RBPJ: variants seen among roughly 807,000 people sequenced by gnomAD.
The protein encoded by RBPJ is recombination signal binding protein for immunoglobulin kappa J region.
RBPJ carries 9 observed loss-of-function variants against 67.8 expected under a neutral mutation model. The observed-to-expected ratio is 0.13, with a 90% CI of 0.08 to 0.23. The LOEUF is 0.23. RBPJ is among the 10% of genes least tolerant of loss of function. The pLI, the probability that RBPJ is intolerant of heterozygous loss-of-function variation, is 1.00. For synonymous variants in RBPJ, 198 were observed against 203.3 expected, an observed-to-expected ratio of 0.97 and a Z score of 0.22; for missense variants, 305 against 595.6, an observed-to-expected ratio of 0.51 and a Z score of 5.08.
intron 1 of RBPJ, 147 bp from the exon 2 acceptor site, chr4:26,386,206 A>T: frequency 1.7e-6 from 1 of 605,362 alleles, no homozygotes. Flanking sequence ...TGGGATACAG[A>T]TGCTTACCAG....
At chr4:26,269,844 C>A (rs1720820481) in intron 1 of RBPJ, among the ~76,000 whole-genome samples, 1 of 151,964 alleles carries the variant, frequency 6.6e-6, no homozygotes, top group Non-Finnish European at 1.5e-5. Context: ...ACTGGCAACC[C>A]AAATTACTTT....
At chr4:26,190,335 T>TAGG (rs1187983950) in intron 1 of RBPJ, among the ~76,000 whole-genome samples, 5 of 152,172 alleles carry the variant, frequency 3.3e-5, no homozygotes, top group African/African-American at 1.2e-4. Flanking sequence ...ACCTGGTCCC[T>TAGG]ATGGGAAACA....
the RBPJ span, among the ~76,000 whole-genome samples, chr4:26,107,432 C>A: frequency 2.0e-5 from 3 of 152,242 alleles, no homozygotes; most frequent in Non-Finnish European, 2.9e-5. Context: ...CTGCAGGACA[C>A]CACTTCAAAT....
chr4:26,306,253 A>T (rs1311727472), intron 1 of RBPJ, among the ~76,000 whole-genome samples: 1 of 152,018 alleles, frequency 6.6e-6, no homozygotes, highest in East Asian at 1.9e-4. Flanking sequence ...AGAATTGGTG[A>T]GAGTGGAAAT....
rs543223027 is a variant in RBPJ at position 26,431,953 on chromosome 4, T to G, written c.*946T>G. 2 of 152,376 alleles carry G rather than the reference T, an allele frequency of 1.3e-5. No homozygotes were observed. The highest frequency in any genetic ancestry group is 2.9e-5 in the Non-Finnish European group (2 of 68,048). The allele number at this position is 152,376 out of a possible 1,614,324, so 9.4% of individuals were successfully genotyped here. ...GCGCAGAACTTGTTGATATTTGAAG[T>G]GTTCTCTCCCCTTTTCCCATGACGT... On this transcript the variant is annotated 3_prime_UTR_variant, in exon 11 of 11. Coordinates refer to ENST00000355476, the MANE Select transcript of RBPJ (RefSeq NM_015874.6).
chr4:26,313,119 C>T (rs1267120356), intron 1 of RBPJ, among the ~76,000 whole-genome samples: 2 of 152,174 alleles, frequency 1.3e-5, no homozygotes, highest in African/African-American at 4.8e-5. Context: ...GACAGAGTCT[C>T]ACTATATTGT....
intron 1 of RBPJ, among the ~76,000 whole-genome samples, chr4:26,224,817 C>T (rs956191852): frequency 6.6e-6 from 1 of 152,218 alleles, no homozygotes; most frequent in Non-Finnish European, 1.5e-5. Flanking sequence ...TTTCCAGAAG[C>T]AGTCACAAGA....
chr4:26,113,468 A>G, the RBPJ span: 6 of 552,308 alleles, frequency 1.1e-5, no homozygotes, highest in Non-Finnish European at 2.1e-5. Context: ...CCATCAGCAA[A>G]CACACACAGG....
intron 1 of RBPJ, among the ~76,000 whole-genome samples, chr4:26,271,032 G>A (rs940145260): frequency 6.7e-6 from 1 of 149,836 alleles, no homozygotes; most frequent in African/African-American, 2.5e-5. Flanking sequence ...ATTCTATTTT[G>A]TTATTAATTA....
upstream of RBPJ, among the ~76,000 whole-genome samples, chr4:26,160,142 TCTC>T (rs1716051019): frequency 6.6e-6 from 1 of 152,118 alleles, no homozygotes; most frequent in Non-Finnish European, 1.5e-5. Flanking sequence ...GTGGTCTCGA[TCTC>T]CTGATCTCGT....
At chr4:26,311,520 G>C (rs987058793) in intron 1 of RBPJ, among the ~76,000 whole-genome samples, 12 of 150,810 alleles carry the variant, frequency 8.0e-5, no homozygotes, top group Non-Finnish European at 1.6e-4. Context: ...GCCTGGGTGA[G>C]AGAGAGAGAC....
intron 7 of RBPJ, among the ~76,000 whole-genome samples, chr4:26,426,575 T>C (rs1735691791): frequency 6.6e-6 from 1 of 152,192 alleles, no homozygotes; most frequent in Admixed American, 6.5e-5. Context: ...GTTTACATTT[T>C]GATAGAGTGA....
intron 1 of RBPJ, among the ~76,000 whole-genome samples, chr4:26,329,137 G>A (rs2109349476): frequency 6.6e-6 from 1 of 152,252 alleles, no homozygotes; most frequent in African/African-American, 2.4e-5. Context: ...GGGGTTACAG[G>A]CATGCGCCAC....
intron 1 of RBPJ, among the ~76,000 whole-genome samples, chr4:26,202,185 T>C (rs1028568109): frequency 1.4e-4 from 21 of 152,230 alleles, no homozygotes; most frequent in African/African-American, 3.6e-4. Flanking sequence ...GCTCATCTGG[T>C]CCACAGCTCT....
At chr4:26,270,704 AG>A (rs1285754086) in intron 1 of RBPJ, among the ~76,000 whole-genome samples, 1 of 151,192 alleles carries the variant, frequency 6.6e-6, no homozygotes, top group Non-Finnish European at 1.5e-5. Flanking sequence ...GTTAGCATGG[AG>A]GGTTTTTTGG....
intron 1 of RBPJ, among the ~76,000 whole-genome samples, chr4:26,368,303 A>G (rs1412343809): frequency 6.6e-6 from 1 of 152,142 alleles, no homozygotes; most frequent in African/African-American, 2.4e-5. Flanking sequence ...CCTATTCCAC[A>G]TTAACCCCTT....
intron 7 of RBPJ, among the ~76,000 whole-genome samples, chr4:26,425,445 C>T (rs1327107477): frequency 1.3e-5 from 2 of 151,654 alleles, no homozygotes; most frequent in African/African-American, 4.9e-5. Context: ...GTCTTTACCA[C>T]TGACCCCGCC....
chr4:26,424,792 T>C lies in RBPJ; in HGVS notation c.747+49T>C, dbSNP rs1300302805. ...TGATAATGTGAAGTAAAAATTAATT[T>C]CTTAAACAGGAAAATCACAACATTC... On this transcript the variant is annotated intron_variant, in intron 7 of 10. Coordinates refer to ENST00000355476, the MANE Select transcript of RBPJ (RefSeq NM_015874.6). This position sits in a 1 kb window ranked among gnomAD's most constrained non-coding sequence, Gnocchi z 5.3. 4 of 1,084,894 alleles carry C rather than the reference T, an allele frequency of 3.7e-6. No individual in the cohort carries two copies. The South Asian group carries it at 5.4e-5, about 15-fold the overall frequency. 67.2% of individuals were successfully genotyped at this position (1,084,894 alleles called of 1,614,324 possible).
At chr4:26,114,286 C>T in the RBPJ span, among the ~76,000 whole-genome samples, 1 of 151,812 alleles carries the variant, frequency 6.6e-6, no homozygotes, top group Admixed American at 6.6e-5. Flanking sequence ...TGGCGAAACC[C>T]CGTTTCTACT....
Sources: gnomAD v4.1 joint callset for allele counts (sites outside exome capture counted in the v4.1 genomes callset) on GRCh38, gnomAD v4.1.1 for gene constraint, Gnocchi (gnomAD v3.1) non-coding constraint, MANE v1.5 for transcripts, NCBI Gene and HGNC (gene_info 2026-07-23, HGNC 2026-07-21) for gene names.